SPRED1: variants seen among roughly 807,000 people sequenced by gnomAD.
The protein encoded by SPRED1 is sprouty-related, EVH1 domain-containing protein 1.
A neutral mutation model predicts 52.3 loss-of-function variants in SPRED1; 18 were observed. The ratio of observed to expected loss-of-function variants is 0.34; its 90% CI spans 0.24 to 0.51. The LOEUF (loss-of-function observed/expected upper bound fraction) is 0.51, where lower values mean the gene tolerates loss of function less well. SPRED1 is among the 20% of genes least tolerant of loss of function. The pLI is 0.97. For missense variants in SPRED1, 485 were observed against 551.0 expected (o/e 0.88, Z 1.20); for synonymous variants, 155 against 179.7 (o/e 0.86, Z 1.10).
At chr15:38,346,545 A>G (rs531029126) in intron 5 of SPRED1, among the ~76,000 whole-genome samples, 2 of 152,280 alleles carry the variant, frequency 1.3e-5, no homozygotes, top group South Asian at 2.1e-4. Flanking sequence ...AACACCCCCA[A>G]TCTATACCTT....
At chr15:38,295,744 A>G (rs966882670) in intron 1 of SPRED1, among the ~76,000 whole-genome samples, 1 of 152,236 alleles carries the variant, frequency 6.6e-6, no homozygotes, top group Non-Finnish European at 1.5e-5. Flanking sequence ...ATTTTACCTC[A>G]TAATTGAACA....
At chr15:38,341,830 G>T (rs550850650) in intron 5 of SPRED1, among the ~76,000 whole-genome samples, 2 of 152,018 alleles carry the variant, frequency 1.3e-5, no homozygotes, top group African/African-American at 4.8e-5. Flanking sequence ...GGGTATAGCA[G>T]CCTTTTTTGT....
chr15:38,257,597 T>C (rs1198980527), intron 1 of SPRED1, among the ~76,000 whole-genome samples: 1 of 152,220 alleles, frequency 6.6e-6, no homozygotes, highest in Non-Finnish European at 1.5e-5. Flanking sequence ...GCTTGGCCTC[T>C]GAGTTATGTG....
intron 2 of SPRED1, among the ~76,000 whole-genome samples, chr15:38,310,120 T>TGG (rs1895332567): frequency 1.1e-5 from 1 of 93,742 alleles, no homozygotes; most frequent in African/African-American, 4.0e-5. Flanking sequence ...ATTCTTTGTG[T>TGG]GTGTGTGTGT....
intron 4 of SPRED1, among the ~76,000 whole-genome samples, chr15:38,335,662 T>C (rs1340476636): frequency 1.3e-5 from 2 of 152,084 alleles, no homozygotes; most frequent in African/African-American, 4.8e-5. Flanking sequence ...TTATGATTTA[T>C]CAGGCACAAT....
intron 1 of SPRED1, among the ~76,000 whole-genome samples, chr15:38,262,054 A>C (rs886976533): frequency 7.5e-6 from 1 of 132,624 alleles, no homozygotes; most frequent in African/African-American, 2.9e-5. Flanking sequence ...GAGATTGGGG[A>C]GTTCTGGGGT....
intron 1 of SPRED1, among the ~76,000 whole-genome samples, chr15:38,292,082 T>G (rs1894934973): frequency 6.6e-6 from 1 of 152,200 alleles, no homozygotes; most frequent in Non-Finnish European, 1.5e-5. Flanking sequence ...GCTTAGAAAT[T>G]TCTTCCCCCA....
chr15:38,346,113 G>A (rs1475542588), intron 5 of SPRED1, among the ~76,000 whole-genome samples: 1 of 152,084 alleles, frequency 6.6e-6, no homozygotes, highest in Non-Finnish European at 1.5e-5. Context: ...CGAGGTAGAA[G>A]GATCACTTGA....
chr15:38,276,675 C>T (rs1316776464), intron 1 of SPRED1, among the ~76,000 whole-genome samples: 1 of 152,162 alleles, frequency 6.6e-6, no homozygotes, highest in Non-Finnish European at 1.5e-5. Flanking sequence ...GTGAAATACT[C>T]TTCCTATTGT....
chr15:38,270,430 A>G (rs1427871979), intron 1 of SPRED1, among the ~76,000 whole-genome samples: 3 of 152,222 alleles, frequency 2.0e-5, no homozygotes, highest in Non-Finnish European at 4.4e-5. Flanking sequence ...TCACTGCTAT[A>G]AAGAACCATC....
At chr15:38,325,630 C>G (rs1158321816) in intron 4 of SPRED1, among the ~76,000 whole-genome samples, 1 of 151,982 alleles carries the variant, frequency 6.6e-6, no homozygotes, top group Non-Finnish European at 1.5e-5. Context: ...GTGAGGTCAC[C>G]CACATTATGG....
At chr15:38,266,632 C>CT (rs1401383630) in intron 1 of SPRED1, among the ~76,000 whole-genome samples, 3 of 151,038 alleles carry the variant, frequency 2.0e-5, no homozygotes, top group Admixed American at 6.6e-5. Context: ...CAGAGTGAGA[C>CT]TCTGTCTCAA....
chr15:38,329,685 C>A lies in SPRED1; in HGVS notation c.423+4876C>A, dbSNP rs544168105. 2.5e-3 allele frequency among the ~76,000 whole-genome samples: 382 copies of A among 152,110 alleles called. 1 individual carries two copies. Among genetic ancestry groups the A allele is most frequent in the African/African-American group, 8.9e-3 (370 of 41,520 alleles). On this transcript the variant is annotated intron_variant, in intron 4 of 6. Transcript: ENST00000299084. ...CTCTTAGACTAATATGTGCATATTT[C>A]GAAAATTACAAAGACAAAATTAGGA... is the stretch of plus-strand genomic sequence containing the variant.
chr15:38,322,513 C>A, intron 3 of SPRED1, 104 bp downstream of exon 3: 1 of 1,196,682 alleles, frequency 8.4e-7, no homozygotes, highest in Non-Finnish European at 1.2e-6. Context: ...TTAACCATGT[C>A]AGCTTTTGTG....
intron 1 of SPRED1, among the ~76,000 whole-genome samples, chr15:38,292,216 C>G (rs1595729419): frequency 6.6e-6 from 1 of 152,180 alleles, no homozygotes; most frequent in South Asian, 2.1e-4. Flanking sequence ...CCAACAAGTT[C>G]CTCATCTCCA....
intron 1 of SPRED1, among the ~76,000 whole-genome samples, chr15:38,264,233 G>C (rs1005936101): frequency 2.6e-5 from 4 of 152,188 alleles, no homozygotes; most frequent in Non-Finnish European, 5.9e-5. Context: ...TTAGTAACTT[G>C]CCATGGCCAC....
intron 4 of SPRED1, among the ~76,000 whole-genome samples, chr15:38,331,444 T>TA (rs143926747): frequency 1.7e-4 from 26 of 149,380 alleles, no homozygotes; most frequent in South Asian, 6.4e-4. Context: ...ATAACCCAGT[T>TA]AAAAAAAAAA....
intron 2 of SPRED1, among the ~76,000 whole-genome samples, chr15:38,301,589 C>T (rs1386587839): frequency 6.6e-6 from 1 of 151,992 alleles, no homozygotes; most frequent in East Asian, 1.9e-4. Flanking sequence ...AAGGCAGAGG[C>T]GATAACTCAT....
chr15:38,351,303 G>A lies in SPRED1; in HGVS notation c.974G>A (p.Arg325Gln), dbSNP rs1238094530. 6.2e-6 allele frequency: 10 copies of A among 1,614,084 alleles called. No individual in the cohort carries two copies. Among genetic ancestry groups the A allele is most frequent in the Non-Finnish European group, 8.5e-6 (10 of 1,180,000 alleles). Residue 325 changes from arginine (R) to glutamine (Q), a missense_variant, in exon 7 of 7, where the codon CGA (arginine) becomes CAA (glutamine). Arg to Gln is a conservative substitution (Grantham distance 43). This residue lies in a region of SPRED1 where 205 missense variants were observed against 245.2 expected (regional missense o/e 0.84). Coordinates refer to ENST00000299084, the MANE Select transcript of SPRED1 (RefSeq NM_152594.3). ...PSSLKIKKSK[R>Q]RKEDGERSRC... The stretch of plus-strand genomic sequence containing the variant: ...TCATTAAAAATTAAGAAGTCAAAAC[G>A]AAGAAAAGAGGATGGTGAACGTTCT...
Sources: gnomAD v4.1 joint callset for allele counts (sites outside exome capture counted in the v4.1 genomes callset) on GRCh38, gnomAD v4.1.1 for gene constraint, gnomAD v4.1.1 regional missense constraint, MANE v1.5 for transcripts, NCBI Gene and HGNC (gene_info 2026-07-23, HGNC 2026-07-21) for gene names.